Variants in GASK1A observed in about 807,000 individuals in gnomAD.
GASK1A encodes the protein Golgi-associated kinase 1A.
In GASK1A, 40 loss-of-function variants were observed where a neutral mutation model predicts 41.2. The ratio of observed to expected loss-of-function variants is 0.97; its 90% CI spans 0.75 to 1.27. The LOEUF is 1.27. Among genes scored for constraint, GASK1A ranks in the 50% most tolerant of loss-of-function variants. The probability of loss-of-function intolerance (pLI) is 0.00; values close to 1 mark genes in which losing one functional copy is unlikely to be tolerated. For missense variants in GASK1A, 678 were observed against 745.1 expected (o/e 0.91, Z 1.05); for synonymous variants, 316 against 307.1 (o/e 1.03, Z -0.30).
chr3:43,036,220 C>T (rs980934416), intron 2 of GASK1A, among the ~76,000 whole-genome samples: 1 of 152,218 alleles, frequency 6.6e-6, no homozygotes, highest in Non-Finnish European at 1.5e-5. Context: ...CTCGGCTGGG[C>T]TCATGCCACC....
chr3:43,034,224 G>A (rs2089594078), intron 2 of GASK1A, among the ~76,000 whole-genome samples: 1 of 152,212 alleles, frequency 6.6e-6, no homozygotes, highest in South Asian at 2.1e-4. Flanking sequence ...GAATGGGAGA[G>A]GAAGGGAGAA....
At chr3:43,008,307 G>A (rs949339305) in intron 1 of GASK1A, among the ~76,000 whole-genome samples, 1 of 152,244 alleles carries the variant, frequency 6.6e-6, no homozygotes, top group Non-Finnish European at 1.5e-5. Context: ...TACAGTTGGT[G>A]TTCTGGAGTC....
chr3:43,039,203 TGG>T lies in GASK1A; in HGVS notation c.1290+5651_1290+5652del, dbSNP rs1559406207. On this transcript the variant is annotated intron_variant, in intron 2 of 4. Coordinates refer to ENST00000430121, the MANE Select transcript of GASK1A (RefSeq NM_001129908.3). ...TCTGCCACCAGGTAGTTTTTTTTTT[TGG>T]TTTTTTTTTTTTTTTGAGATGGAGT... Among the ~76,000 whole-genome samples the T allele has an allele frequency of 4.9e-4, 64 of 131,280 alleles. 2 individuals carry two copies. Among genetic ancestry groups the T allele is most frequent in the South Asian group, 1.4e-3 (5 of 3,460 alleles). 86.1% of individuals were successfully genotyped at this position (131,280 alleles called of 152,430 possible). A position where few individuals can be genotyped will look rare whatever the true frequency, so the allele number is the denominator to read the frequency against.
chr3:43,032,679 G>A lies in GASK1A; in HGVS notation c.416G>A (p.Arg139Lys), dbSNP rs755427587. 29 of 1,551,592 alleles carry A rather than the reference G, an allele frequency of 1.9e-5. No homozygotes were observed. In the East Asian group the frequency reaches 6.4e-4, roughly 34 times the overall value. Residue 139 changes from arginine to lysine, a missense_variant, in exon 2 of 5, where the codon AGG becomes AAG. Arg to Lys is a conservative substitution (Grantham distance 26). Transcript: ENST00000430121. ...AGTACTCAGCATGTTGTGCTCCTGA[G>A]GGAGGATGAGGTTGGAGATCCAGGA... ...RLSTQHVVLL[R>K]EDEVGDPGTK...
chr3:42,979,737 G>A, intron 1 of GASK1A, 92 bp downstream of exon 1: 3 of 1,204,156 alleles, frequency 2.5e-6, no homozygotes, highest in Middle Eastern at 2.1e-4. Flanking sequence ...CAGGGCGCGC[G>A]CAGCCTGCGC....
chr3:43,033,716 T>G (rs1220553698), intron 2 of GASK1A, among the ~76,000 whole-genome samples, 163 bp downstream of exon 2: 1 of 152,206 alleles, frequency 6.6e-6, no homozygotes. Context: ...TCTGTTTATT[T>G]ATCCAGTGGT....
At chr3:42,982,093 T>C (rs1391049264) in intron 1 of GASK1A, among the ~76,000 whole-genome samples, 1 of 152,244 alleles carries the variant, frequency 6.6e-6, no homozygotes, top group African/African-American at 2.4e-5. Flanking sequence ...CTGCAGTATC[T>C]GCGGGGGCAT....
chr3:43,018,156 T>C (rs968882621), intron 1 of GASK1A, among the ~76,000 whole-genome samples: 2 of 152,210 alleles, frequency 1.3e-5, no homozygotes, highest in Admixed American at 1.3e-4. Context: ...CACCCTCCTA[T>C]ACTCACATCT....
At chr3:43,025,086 AG>A (rs1435559163) in intron 1 of GASK1A, among the ~76,000 whole-genome samples, 1 of 152,194 alleles carries the variant, frequency 6.6e-6, no homozygotes, top group East Asian at 1.9e-4. Flanking sequence ...TAGCATGGCT[AG>A]AGCACTTCCG....
Position 43,056,433 on chromosome 3 carries a change from T to C in GASK1A, c.*47T>C. 1.4e-6 allele frequency: 2 copies of C among 1,434,252 alleles called. No individual in the cohort carries two copies. Among genetic ancestry groups the C allele is most frequent in the Non-Finnish European group, 1.9e-6 (2 of 1,076,444 alleles). The allele number at this position is 1,434,252 out of a possible 1,614,324, so 88.8% of individuals were successfully genotyped here. A position where few individuals can be genotyped will look rare whatever the true frequency, so the allele number is the denominator to read the frequency against. ...ATGAGCATCCATCCTGATGGCCACATTTTCTTGGGCTCACTCATCTTGAGG... is the reference window on the plus strand; with the variant it reads ...ATGAGCATCCATCCTGATGGCCACACTTTCTTGGGCTCACTCATCTTGAGG... On this transcript the variant is annotated 3_prime_UTR_variant, in exon 5 of 5. Transcript: ENST00000430121.
chr3:42,982,952 G>A (rs1416060302), intron 1 of GASK1A, among the ~76,000 whole-genome samples: 1 of 152,188 alleles, frequency 6.6e-6, no homozygotes, highest in African/African-American at 2.4e-5. Context: ...CAGAGGACAA[G>A]TAGCTGAAGC....
chr3:43,006,052 TC>T (rs1321763034), intron 1 of GASK1A, among the ~76,000 whole-genome samples: 1 of 146,930 alleles, frequency 6.8e-6, no homozygotes, highest in Admixed American at 7.1e-5. Context: ...TTTCTGTTTC[TC>T]TCTAGTTAGT....
chr3:43,036,057 A>G (rs1448851908), intron 2 of GASK1A, among the ~76,000 whole-genome samples: 1 of 152,160 alleles, frequency 6.6e-6, no homozygotes, highest in East Asian at 1.9e-4. Flanking sequence ...AGTCCAGCTG[A>G]TGTGCTTGCA....
chr3:43,012,992 G>T (rs748762232), intron 1 of GASK1A, among the ~76,000 whole-genome samples: 7 of 151,550 alleles, frequency 4.6e-5, no homozygotes, highest in Non-Finnish European at 1.0e-4. Flanking sequence ...TGAAGTTACA[G>T]AAGGGGCTTT....
chr3:43,053,902 C>G, intron 3 of GASK1A: 1 of 547,080 alleles, frequency 1.8e-6, no homozygotes, highest in Non-Finnish European at 3.4e-6. Flanking sequence ...CTCCACTGCC[C>G]CTAAGAGACT....
chr3:43,006,172 AG>A (rs1268316181), intron 1 of GASK1A, among the ~76,000 whole-genome samples: 1 of 152,166 alleles, frequency 6.6e-6, no homozygotes, highest in Admixed American at 6.5e-5. Flanking sequence ...CCCCCTGCCC[AG>A]AGCCTTTTGA....
intron 1 of GASK1A, among the ~76,000 whole-genome samples, chr3:42,988,427 G>C (rs1479373401): frequency 6.6e-6 from 1 of 152,168 alleles, no homozygotes; most frequent in African/African-American, 2.4e-5. Context: ...AGGTTGGGTA[G>C]GGATTTTTCC....
At chr3:43,052,388 T>A (rs115728989) in intron 2 of GASK1A, among the ~76,000 whole-genome samples, 1 of 152,154 alleles carries the variant, frequency 6.6e-6, no homozygotes, top group East Asian at 1.9e-4. Context: ...TCCTCTGTCC[T>A]CCTCCTTCCA....
intron 1 of GASK1A, among the ~76,000 whole-genome samples, chr3:43,004,007 A>G (rs1396866813): frequency 6.6e-6 from 1 of 152,094 alleles, no homozygotes; most frequent in Non-Finnish European, 1.5e-5. Context: ...TCATTCGTTT[A>G]GGATCTATGA....
Sources: gnomAD v4.1 joint callset for allele counts (sites outside exome capture counted in the v4.1 genomes callset) on GRCh38, gnomAD v4.1.1 for gene constraint, MANE v1.5 for transcripts, NCBI Gene and HGNC (gene_info 2026-07-23, HGNC 2026-07-21) for gene names.